The following PNP variants were observed in gnomAD, a reference collection of about 807,000 sequenced individuals.
PNP encodes purine nucleoside phosphorylase.
In PNP, 18 loss-of-function variants were observed where a neutral mutation model predicts 26.8. The observed-to-expected ratio is 0.67, with a 90% confidence interval of 0.46 to 1.00. The LOEUF is 1.00. Ranked by LOEUF, PNP falls within the 50% of genes least tolerant of loss-of-function variation. The pLI, the probability that PNP is intolerant of heterozygous loss-of-function variation, is 0.00. For missense variants in PNP, 320 were observed against 362.9 expected, an observed-to-expected ratio of 0.88 and a Z score of 0.96; for synonymous variants, 116 against 124.8, an observed-to-expected ratio of 0.93 and a Z score of 0.47.
At chr14:20,471,053 C>T (rs1434272913) in intron 1 of PNP, among the ~76,000 whole-genome samples, 3 of 151,880 alleles carry the variant, frequency 2.0e-5, no homozygotes, top group South Asian at 4.2e-4. Context: ...ATTTTGGAGT[C>T]GGAGTCTCGC....
At chr14:20,469,905 C>A (rs546121818) in intron 1 of PNP, 29 of 421,534 alleles carry the variant, frequency 6.9e-5, no homozygotes, top group African/African-American at 5.1e-4. Context: ...CTCCTCACCC[C>A]CTGCGCTCTT....
At chr14:20,471,197 ATTTT>A (rs397960222) in intron 1 of PNP, among the ~76,000 whole-genome samples, 4 of 90,670 alleles carry the variant, frequency 4.4e-5, no homozygotes, top group East Asian at 3.3e-4. Flanking sequence ...CGCCCGGCTA[ATTTT>A]TTTTTTTTTT....
chr14:20,474,386 A>G (rs1882051036), intron 2 of PNP, 86 bp from the exon 3 acceptor site: 1 of 1,092,182 alleles, frequency 9.2e-7, no homozygotes, highest in African/African-American at 1.5e-5. Context: ...TTTTGAGCAG[A>G]GCGAGTAACT....
chr14:20,469,711 A>G (rs1219980323), intron 1 of PNP, 176 bp downstream of exon 1: 1 of 874,220 alleles, frequency 1.1e-6, no homozygotes, highest in Admixed American at 2.2e-5. Context: ...TGCGGCAGCC[A>G]GCGCGGGCAG....
At chr14:20,474,219 TCTTTGTGTGTTCATGCTGAACATGCTG>T (rs1882048048) in intron 2 of PNP, 3 of 445,368 alleles carry the variant, frequency 6.7e-6, no homozygotes, top group Non-Finnish European at 1.2e-5. Context: ...AGCCCTTCCT[TCTTTGTGTGTTCATGCTGAACATGCTG>T]AACGCACCCC....
chr14:20,474,111 A>G, intron 2 of PNP: 1 of 315,096 alleles, frequency 3.2e-6, no homozygotes, highest in Non-Finnish European at 6.2e-6. Flanking sequence ...AAGTGAGAAC[A>G]TGTAGTATTT....
At chr14:20,475,316 G>T in intron 5 of PNP, 64 bp downstream of exon 5, 1 of 1,440,642 alleles carries the variant, frequency 6.9e-7, no homozygotes. Flanking sequence ...GGAAGGGGAA[G>T]GAGTAGGAAA....
Position 20,475,191 on chromosome 14 carries a change from C to A in PNP, c.591C>A (p.Gly197=). 3 of 1,614,060 alleles carry A rather than the reference C, an allele frequency of 1.9e-6. No homozygotes were observed. The highest frequency in any genetic ancestry group is 2.5e-6 in the Non-Finnish European group (3 of 1,179,978). Residue 197 remains glycine, a synonymous_variant, in exon 5 of 6, where the codon GGC becomes GGA. Coordinates refer to ENST00000361505, the MANE Select transcript of PNP (RefSeq NM_000270.4). The part of the protein sequence containing the change: ...LQEGTYVMVA[G]PSFETVAECR... Reference sequence around the variant, plus strand: ...AAGGCACCTATGTGATGGTGGCAGGCCCCAGCTTTGAGACTGTGGCAGAAT... The same window carrying A: ...AAGGCACCTATGTGATGGTGGCAGGACCCAGCTTTGAGACTGTGGCAGAAT...
At chr14:20,473,441 G>A (rs1882031917) in intron 2 of PNP, 1 of 152,232 alleles carries the variant, frequency 6.6e-6, no homozygotes, top group Non-Finnish European at 1.5e-5. Context: ...TAAGAAGCCA[G>A]AGTAAGTATA....
At position 20,475,201 on chromosome 14, in the gene PNP, G is replaced by T. The variant is rs922257453; in HGVS notation, c.601G>T (p.Glu201Ter). 2 of 1,614,088 alleles carry T rather than the reference G, an allele frequency of 1.2e-6. No individual in the cohort carries two copies. The highest frequency in any genetic ancestry group is 2.7e-5 in the African/African-American group (2 of 75,046). Reference sequence around the variant, plus strand: ...TGTGATGGTGGCAGGCCCCAGCTTTGAGACTGTGGCAGAATGTCGTGTGCT... The same window carrying T: ...TGTGATGGTGGCAGGCCCCAGCTTTTAGACTGTGGCAGAATGTCGTGTGCT... ...TYVMVAGPSF[E>*]TVAECRVLQK... The change falls in exon 5 of 6, where the codon GAG becomes TAG. Residue 201 changes from glutamate (E) to a stop codon, truncating the protein, a stop_gained. Coordinates refer to ENST00000361505, the MANE Select transcript of PNP (RefSeq NM_000270.4). LOFTEE classifies it high-confidence loss of function.
chr14:20,474,598 G>T (rs1264979846), intron 3 of PNP, 23 bp downstream of exon 3: 1 of 1,599,554 alleles, frequency 6.3e-7, no homozygotes, highest in Non-Finnish European at 8.6e-7. Context: ...GATAGGTCCG[G>T]TTGGATCTGG....
In PNP at chr14:20,474,403, A is replaced by G. The variant is rs1882051511; in HGVS notation, c.182-69A>G. On this transcript the variant is annotated intron_variant, in intron 2 of 5. Transcript: ENST00000361505. Reference sequence around the variant, plus strand: ...TTGAGCAGAGCGAGTAACTCACAGTAGGTGCTTAATGGATATGTGTTGCAT... The same window carrying G: ...TTGAGCAGAGCGAGTAACTCACAGTGGGTGCTTAATGGATATGTGTTGCAT... 5 of 1,249,724 alleles carry G rather than the reference A, an allele frequency of 4.0e-6. No individual in the cohort carries two copies. In the African/African-American group the frequency reaches 5.9e-5, roughly 15 times the overall value. 77.4% of individuals were successfully genotyped at this position (1,249,724 alleles called of 1,614,324 possible).
Position 20,474,462 on chromosome 14 carries a change from T to C in PNP, c.182-10T>C. Reference sequence around the variant, plus strand: ...AATCCCATTCATTTCTCTTTCTGTTTTGTATACAGTGCCAGGTCATGCTGG... The same window carrying C: ...AATCCCATTCATTTCTCTTTCTGTTCTGTATACAGTGCCAGGTCATGCTGG... On this transcript the variant is annotated splice_polypyrimidine_tract_variant and intron_variant, in intron 2 of 5. Transcript: ENST00000361505. 1 of 1,611,090 alleles carries C rather than the reference T, an allele frequency of 6.2e-7. No individual in the cohort carries two copies. Among genetic ancestry groups the C allele is most frequent in the African/African-American group, 1.3e-5 (1 of 74,966 alleles).
Position 20,476,402 on chromosome 14 carries a change from A to C in PNP, c.671A>C (p.Glu224Ala). Residue 224 changes from glutamate to alanine, a missense_variant, in exon 6 of 6, where the codon GAA (glutamate) becomes GCA (alanine). Glu to Ala is a moderately radical substitution (Grantham distance 107). Coordinates refer to ENST00000361505, the MANE Select transcript of PNP (RefSeq NM_000270.4). ...CTATCAGGCATGAGTACAGTACCAGAAGTTATCGTTGCACGGCACTGTGGA... is the reference window on the plus strand; with the variant it reads ...CTATCAGGCATGAGTACAGTACCAGCAGTTATCGTTGCACGGCACTGTGGA... Reference protein sequence around the residue: ...ADAVGMSTVPEVIVARHCGLR... With the variant: ...ADAVGMSTVPAVIVARHCGLR... The C allele has an allele frequency of 6.2e-7, 1 of 1,613,784 alleles. No individual in the cohort carries two copies.
At chr14:20,469,837 G>A (rs1445335154) in intron 1 of PNP, 3 of 589,248 alleles carry the variant, frequency 5.1e-6, no homozygotes, top group East Asian at 2.8e-5. Context: ...TGTGTGTTAG[G>A]GGAACAAGTG....
At chr14:20,469,823 C>T (rs1300315664) in intron 1 of PNP, 2 of 596,772 alleles carry the variant, frequency 3.4e-6, no homozygotes, top group South Asian at 2.0e-5. Flanking sequence ...TGTGTGTCTC[C>T]GTGTGTGTGT....
intron 1 of PNP, among the ~76,000 whole-genome samples, chr14:20,471,636 C>T (rs143454935): frequency 7.2e-5 from 11 of 152,060 alleles, no homozygotes; most frequent in South Asian, 2.1e-4. Flanking sequence ...AAGAATGGCA[C>T]GTAGACCTCT....
At chr14:20,469,581 G>A (rs1335143960) in intron 1 of PNP, 46 bp downstream of exon 1, 5 of 1,552,940 alleles carry the variant, frequency 3.2e-6, no homozygotes, top group Non-Finnish European at 3.5e-6. Context: ...AGGGGCAGGT[G>A]CTGTGACCCG....
intron 1 of PNP, 140 bp downstream of exon 1, chr14:20,469,675 G>A (rs1881944463): frequency 1.7e-6 from 2 of 1,172,864 alleles, no homozygotes; most frequent in Non-Finnish European, 1.2e-6. Flanking sequence ...ACTGAGCCTA[G>A]TGTCGGGAGC....
Sources: allele counts gnomAD v4.1 joint callset (sites outside exome capture counted in the v4.1 genomes callset), GRCh38; gene constraint gnomAD v4.1.1; transcripts MANE v1.5; gene names NCBI Gene and HGNC (gene_info 2026-07-23, HGNC 2026-07-21).